ANO10: variants seen among roughly 807,000 people sequenced by gnomAD.
The protein encoded by ANO10 is anoctamin 10, also known as anoctamin-10.
ANO10 carries 77 observed loss-of-function variants against 74.7 expected under a neutral mutation model. The ratio of observed to expected loss-of-function variants is 1.03; its 90% CI spans 0.86 to 1.25. The LOEUF is 1.25. ANO10 is among the 50% of genes most tolerant of loss of function. The pLI is 0.00. For synonymous variants in ANO10, 279 were observed against 284.9 expected, an observed-to-expected ratio of 0.98 and a Z score of 0.21; for missense variants, 721 against 778.1, an observed-to-expected ratio of 0.93 and a Z score of 0.87.
At chr3:43,691,125 G>A in intron 1 of ANO10, 1 of 1,310,634 alleles carries the variant, frequency 7.6e-7, no homozygotes, top group Non-Finnish European at 9.8e-7. Flanking sequence ...GCAGCACCAA[G>A]GAGTCGCCGC....
chr3:43,389,220 A>C (rs2092211536), intron 12 of ANO10, among the ~76,000 whole-genome samples: 1 of 152,254 alleles, frequency 6.6e-6, no homozygotes, highest in Non-Finnish European at 1.5e-5. Flanking sequence ...ATATGCCTTC[A>C]AATATTTAGT....
chr3:43,626,439 C>T (rs1470065759), upstream of ANO10, among the ~76,000 whole-genome samples: 1 of 151,996 alleles, frequency 6.6e-6, no homozygotes. Flanking sequence ...GCTGGGATTA[C>T]AGGCATGTGC....
intron 1 of ANO10, among the ~76,000 whole-genome samples, chr3:43,680,113 A>C (rs1330696660): frequency 1.3e-5 from 2 of 152,224 alleles, no homozygotes; most frequent in African/African-American, 4.8e-5. Context: ...TGAGAGAAGA[A>C]GACTTCAGAT....
At chr3:43,468,321 G>A (rs1258998942) in intron 11 of ANO10, among the ~76,000 whole-genome samples, 2 of 152,144 alleles carry the variant, frequency 1.3e-5, no homozygotes, top group African/African-American at 4.8e-5. Context: ...TGACACATGG[G>A]CCCTTGGGAA....
intron 1 of ANO10, among the ~76,000 whole-genome samples, chr3:43,674,091 C>T (rs2084091947): frequency 6.6e-6 from 1 of 152,146 alleles, no homozygotes; most frequent in Admixed American, 6.5e-5. Context: ...CCCTGTTGTA[C>T]TTCATGTGTG....
At chr3:43,616,235 A>G (rs1254851495) in intron 1 of ANO10, among the ~76,000 whole-genome samples, 1 of 152,146 alleles carries the variant, frequency 6.6e-6, no homozygotes, top group Non-Finnish European at 1.5e-5. Context: ...CCTCGCTATC[A>G]TGTTACTCAG....
intron 12 of ANO10, among the ~76,000 whole-genome samples, chr3:43,408,653 G>T (rs557061818): frequency 9.2e-5 from 14 of 152,310 alleles, no homozygotes; most frequent in Admixed American, 2.0e-4. Context: ...CCTGCACTGA[G>T]CTCCGGATAG....
intron 11 of ANO10, among the ~76,000 whole-genome samples, chr3:43,440,464 T>C (rs1002576596): frequency 1.3e-5 from 2 of 152,090 alleles, no homozygotes; most frequent in Non-Finnish European, 2.9e-5. Flanking sequence ...CAAATGAGGA[T>C]ATTATGTAAA....
At chr3:43,655,944 C>T (rs1229962615) in intron 1 of ANO10, among the ~76,000 whole-genome samples, 1 of 96,544 alleles carries the variant, frequency 1.0e-5, no homozygotes, top group African/African-American at 4.2e-5. Context: ...GTTTACAAAC[C>T]TTGAGCTAGA....
At chr3:43,683,548 A>G (rs1234074312) in intron 1 of ANO10, among the ~76,000 whole-genome samples, 1 of 152,184 alleles carries the variant, frequency 6.6e-6, no homozygotes, top group East Asian at 1.9e-4. Context: ...CAAGCTACCA[A>G]TGACTTTCTT....
intron 11 of ANO10, among the ~76,000 whole-genome samples, chr3:43,525,636 T>C (rs918314768): frequency 1.3e-5 from 2 of 152,162 alleles, no homozygotes; most frequent in Admixed American, 1.3e-4. Context: ...GAAGAAGTAA[T>C]GTAAATGGGA....
intron 1 of ANO10, among the ~76,000 whole-genome samples, chr3:43,646,131 T>C (rs1021874648): frequency 6.6e-6 from 1 of 152,236 alleles, no homozygotes; most frequent in Admixed American, 6.5e-5. Flanking sequence ...AGTAGCTTAG[T>C]TGACTAGTGG....
chr3:43,534,210 C>T (rs1007367477), intron 11 of ANO10, among the ~76,000 whole-genome samples: 1 of 152,188 alleles, frequency 6.6e-6, no homozygotes, highest in Non-Finnish European at 1.5e-5. Context: ...CTAGTTTGCA[C>T]ATGCTGTCAG....
intron 1 of ANO10, among the ~76,000 whole-genome samples, chr3:43,670,263 G>A (rs2084041901): frequency 6.6e-6 from 1 of 151,934 alleles, no homozygotes; most frequent in African/African-American, 2.4e-5. Flanking sequence ...TCAGGAGGCT[G>A]AGGTGGGAGG....
intron 12 of ANO10, among the ~76,000 whole-genome samples, chr3:43,397,566 CCTTT>C (rs755497350): frequency 6.6e-6 from 1 of 152,176 alleles, no homozygotes; most frequent in Non-Finnish European, 1.5e-5. Context: ...CAGGGCAATA[CCTTT>C]CTGAGTGTTT....
At chr3:43,370,291 GGCCCT>G (rs1274418689) in intron 12 of ANO10, among the ~76,000 whole-genome samples, 1 of 152,224 alleles carries the variant, frequency 6.6e-6, no homozygotes, top group African/African-American at 2.4e-5. Context: ...GTTAAATGCA[GGCCCT>G]GCAGTGGACC....
At chr3:43,545,385 T>TG (rs2079140402) in intron 11 of ANO10, among the ~76,000 whole-genome samples, 2 of 152,174 alleles carry the variant, frequency 1.3e-5, no homozygotes, top group East Asian at 1.9e-4. Context: ...TTTGTTTGTT[T>TG]TTTTTTTAGA....
chr3:43,413,180 T>A (rs942296960), intron 12 of ANO10, among the ~76,000 whole-genome samples: 2 of 152,238 alleles, frequency 1.3e-5, no homozygotes, highest in Non-Finnish European at 2.9e-5. Flanking sequence ...TCTCTGCCTG[T>A]GTCTATGGAA....
At chr3:43,691,058 G>A (rs777382118) in intron 1 of ANO10, 8 of 1,537,648 alleles carry the variant, frequency 5.2e-6, no homozygotes, top group Middle Eastern at 1.7e-4. Flanking sequence ...AGCCGGCAGG[G>A]GGCTTCGTGT....
Sources: allele counts gnomAD v4.1 joint callset (sites outside exome capture counted in the v4.1 genomes callset), GRCh38; gene constraint gnomAD v4.1.1; transcripts MANE v1.5; gene names NCBI Gene and HGNC (gene_info 2026-07-23, HGNC 2026-07-21).